Variants in WDR55 observed in about 807,000 individuals in gnomAD.
WDR55 encodes the protein WD repeat-containing protein 55.
A neutral mutation model predicts 34.0 loss-of-function variants in WDR55; 31 were observed. The observed-to-expected ratio is 0.91, with a 90% CI of 0.69 to 1.23. The LOEUF (loss-of-function observed/expected upper bound fraction) is 1.23. Among genes scored for constraint, WDR55 ranks in the 50% most tolerant of loss-of-function variants. WDR55 has a pLI of 0.00. For synonymous variants in WDR55, 164 were observed against 185.9 expected (o/e 0.88, Z 0.96); for missense variants, 440 against 494.6 (o/e 0.89, Z 1.05).
In WDR55 at chr5:140,665,009, G is replaced by T. The variant is rs1398842910; in HGVS notation, c.97G>T (p.Glu33Ter). The change falls in exon 1 of 7, where the codon GAA (glutamate) becomes TAA (stop). Residue 33 changes from glutamate (E) to a stop codon, truncating the protein, a stop_gained. Coordinates refer to ENST00000358337, the MANE Select transcript of WDR55 (RefSeq NM_017706.5). LOFTEE classifies it high-confidence loss of function. ...EAPTRIRDTP[E>*]DIVLEAPASG... ...CCCAACCCGGATCCGGGACACTCCG[G>T]AAGACATCGTGCTGGAAGCTCCGGC... is the stretch of plus-strand genomic sequence containing the variant. The T allele has an allele frequency of 8.7e-6, 14 of 1,614,060 alleles. No homozygotes were observed. Among genetic ancestry groups the T allele is most frequent in the Non-Finnish European group, 1.2e-5 (14 of 1,179,972 alleles).
chr5:140,668,839 T>C, intron 4 of WDR55, 48 bp downstream of exon 4: 1 of 1,613,504 alleles, frequency 6.2e-7, no homozygotes. Context: ...CTGTGTGAAA[T>C]GTCTTCCTCA....
chr5:140,668,320 C>T lies in WDR55; in HGVS notation c.278C>T (p.Ser93Phe), dbSNP rs901047389. The T allele has an allele frequency of 6.8e-6, 11 of 1,614,196 alleles. No individual in the cohort carries two copies. The highest frequency in any genetic ancestry group is 9.3e-6 in the Non-Finnish European group (11 of 1,180,034). The change falls in exon 2 of 7, where the codon TCT becomes TTT. Residue 93 changes from serine (S) to phenylalanine (F), a missense_variant. Transcript: ENST00000358337. ...AAGGCCTGCCGAGCTGTGGCCTTCT[C>T]TGAAGATGGGCAGAGTGAGTACTGG... ...HLKACRAVAF[S>F]EDGQKLITVS...
Position 140,669,579 on chromosome 5 carries a change from C to T in WDR55, c.1077C>T (p.Phe359=), listed in dbSNP as rs1179231304. The change falls in exon 7 of 7, where the codon TTC becomes TTT. Residue 359 remains phenylalanine, a synonymous_variant. Transcript: ENST00000358337. ...SSKTWSTDDF[F]AGLREEGEDS... ...AGACTTGGAGCACCGATGACTTCTT[C>T]GCAGGACTGAGGGAAGAGGGAGAAG... The T allele has an allele frequency of 7.4e-6, 12 of 1,614,052 alleles. No homozygotes were observed. The highest frequency in any genetic ancestry group is 9.3e-6 in the Non-Finnish European group (11 of 1,179,988).
In WDR55 at chr5:140,672,183, G is replaced by A; in HGVS notation, c.*2529G>A. The A allele has an allele frequency of 5.2e-6, 3 of 578,172 alleles. No homozygotes were observed. The South Asian group carries it at 6.3e-5, about 12-fold the overall frequency. The allele number at this position is 578,172 out of a possible 1,614,324, so 35.8% of individuals were successfully genotyped here. On this transcript the variant is annotated 3_prime_UTR_variant, in exon 7 of 7. Coordinates refer to ENST00000358337, the MANE Select transcript of WDR55 (RefSeq NM_017706.5). The stretch of plus-strand genomic sequence containing the variant: ...CTCTAACAGTTTCCTCATAGCTTGA[G>A]GGTCCTGTGCCTATTTTGCGGTGTG...
rs1194532632 is a variant in WDR55, at chr5:140,669,921, A to G, written c.*267A>G. 2 of 360,140 alleles carry G rather than the reference A, an allele frequency of 5.6e-6. No individual in the cohort carries two copies. Among genetic ancestry groups the G allele is most frequent in the Admixed American group, 4.4e-5 (1 of 22,806 alleles). The allele number at this position is 360,140 out of a possible 1,614,324, so 22.3% of individuals were successfully genotyped here. On this transcript the variant is annotated 3_prime_UTR_variant, in exon 7 of 7. Transcript: ENST00000358337. ...TTTTTGTTTTTTTTTTTTGGTAGAA[A>G]CGGGTCTGTTTTGCCCAGGCTGGTC...
rs1475122474 is a variant in WDR55, at chr5:140,664,916, G to A, written c.4G>A (p.Asp2Asn). MDRTCEERPAED... is the reference protein window; with the variant it reads MNRTCEERPAED... ...GCGGCTCGCAGTCCTTCTCAGCATG[G>A]ACCGCACTTGTGAGGAGAGGCCCGC... Residue 2 changes from aspartate to asparagine, a missense_variant, in exon 1 of 7, where the codon GAC becomes AAC. Transcript: ENST00000358337. 6.2e-7 allele frequency: 1 copy of A among 1,600,432 alleles called. No homozygotes were observed. Among genetic ancestry groups the A allele is most frequent in the Non-Finnish European group, 8.5e-7 (1 of 1,173,836 alleles).
Position 140,671,650 on chromosome 5 carries a change from G to A in WDR55, c.*1996G>A, listed in dbSNP as rs778524394. ...CCAACTGGCTGCCCTCTGGCTGTGG[G>A]GACCGCAAGAAGGGACCCACAAGCT... On this transcript the variant is annotated 3_prime_UTR_variant, in exon 7 of 7. Transcript: ENST00000358337. 1.3e-6 allele frequency: 2 copies of A among 1,580,486 alleles called. No individual in the cohort carries two copies. The highest frequency in any genetic ancestry group is 1.3e-5 in the African/African-American group (1 of 74,526).
At position 140,672,293 on chromosome 5, in the gene WDR55, T is replaced by G; in HGVS notation, c.*2639T>G. On this transcript the variant is annotated 3_prime_UTR_variant, in exon 7 of 7. Transcript: ENST00000358337. The stretch of plus-strand genomic sequence containing the variant: ...TAGGTAAGCGGTGGTGGTAGCACCA[T>G]TGGAAGTTTTAAAAATCTGAGATCA... The G allele has an allele frequency of 1.2e-6, 1 of 808,156 alleles. No individual in the cohort carries two copies. Among genetic ancestry groups the G allele is most frequent in the Non-Finnish European group, 1.9e-6 (1 of 514,598 alleles). The allele number at this position is 808,156 out of a possible 1,614,324, so 50.1% of individuals were successfully genotyped here. A position where few individuals can be genotyped will look rare whatever the true frequency, so the allele number is the denominator to read the frequency against.
intron 1 of WDR55, 145 bp downstream of exon 1, chr5:140,665,248 T>C: frequency 2.9e-6 from 2 of 692,224 alleles, no homozygotes; most frequent in South Asian, 4.1e-5. Context: ...TCGGCTCTTC[T>C]ATCACACCAA....
chr5:140,667,228 A>G, intron 1 of WDR55: 1 of 892,350 alleles, frequency 1.1e-6, no homozygotes, highest in Non-Finnish European at 1.3e-6. Context: ...TGTCTTAAAA[A>G]AGGTTCTGGA....
In WDR55 at chr5:140,669,576, C is replaced by A. The variant is rs3180057; in HGVS notation, c.1074C>A (p.Phe358Leu). 3 of 1,614,136 alleles carry A rather than the reference C, an allele frequency of 1.9e-6. No homozygotes were observed. The highest frequency in any genetic ancestry group is 3.3e-5 in the Admixed American group (2 of 60,012). ...LSSKTWSTDD[F>L]FAGLREEGED... is the part of the protein sequence containing the mutation. ...GCAAGACTTGGAGCACCGATGACTT[C>A]TTCGCAGGACTGAGGGAAGAGGGAG... The change falls in exon 7 of 7, where the codon TTC becomes TTA. Residue 358 changes from phenylalanine (F) to leucine (L), a missense_variant. Phe to Leu is a conservative substitution (Grantham distance 22). Transcript: ENST00000358337.
intron 1 of WDR55, chr5:140,667,331 C>T (rs1416800852): frequency 1.1e-5 from 2 of 179,670 alleles, no homozygotes; most frequent in Admixed American, 6.5e-5. Flanking sequence ...TTCTGCTTGG[C>T]TCATGTGGTC....
Position 140,670,531 on chromosome 5 carries a change from T to A in WDR55, c.*877T>A, listed in dbSNP as rs1288129404. The stretch of plus-strand genomic sequence containing the variant: ...GCCAGGCTAATTTTTGTATTTTCAG[T>A]AGAGACGGGGTTTCTCCATGCTGGC... On this transcript the variant is annotated 3_prime_UTR_variant, in exon 7 of 7. Coordinates refer to ENST00000358337, the MANE Select transcript of WDR55 (RefSeq NM_017706.5). 1 of 151,790 alleles carries A rather than the reference T, an allele frequency of 6.6e-6. No homozygotes were observed. The highest frequency in any genetic ancestry group is 1.5e-5 in the Non-Finnish European group (1 of 68,122). The allele number at this position is 151,790 out of a possible 1,614,324, so 9.4% of individuals were successfully genotyped here. A position where few individuals can be genotyped will look rare whatever the true frequency, so the allele number is the denominator to read the frequency against.
In WDR55 at chr5:140,671,238, G is replaced by A. The variant is rs1758065035; in HGVS notation, c.*1584G>A. Reference sequence around the variant, plus strand: ...TGGCCACCCAGGCCTGCTGGGATGGGGCCTGACACAGGCTCTGCATGCCCA... The same window carrying A: ...TGGCCACCCAGGCCTGCTGGGATGGAGCCTGACACAGGCTCTGCATGCCCA... On this transcript the variant is annotated 3_prime_UTR_variant, in exon 7 of 7. Transcript: ENST00000358337. 1 of 1,607,844 alleles carries A rather than the reference G, an allele frequency of 6.2e-7. No homozygotes were observed. The highest frequency in any genetic ancestry group is 8.5e-7 in the Non-Finnish European group (1 of 1,176,664).
At position 140,669,840 on chromosome 5, in the gene WDR55, C is replaced by T; in HGVS notation, c.*186C>T. ...TGTCCCCAGGCTCAGATTGTCCTTC[C>T]ACCTTAGCCTCTGGAGCAGCTGGGA... On this transcript the variant is annotated 3_prime_UTR_variant, in exon 7 of 7. Transcript: ENST00000358337. 1 of 634,158 alleles carries T rather than the reference C, an allele frequency of 1.6e-6. No individual in the cohort carries two copies. Among genetic ancestry groups the T allele is most frequent in the African/African-American group, 1.8e-5 (1 of 54,272 alleles). 39.3% of individuals were successfully genotyped at this position (634,158 alleles called of 1,614,324 possible).
chr5:140,667,001 A>G, intron 1 of WDR55: 1 of 985,410 alleles, frequency 1.0e-6, no homozygotes, highest in Non-Finnish European at 1.2e-6. Context: ...ATTAGCTGTA[A>G]TGGCCTTGAG....
Position 140,668,484 on chromosome 5 carries a change from G to A in WDR55, c.362G>A (p.Arg121His), listed in dbSNP as rs375815187. 6.7e-5 allele frequency: 108 copies of A among 1,614,178 alleles called. No individual in the cohort carries two copies. Among genetic ancestry groups the A allele is most frequent in the African/African-American group, 6.3e-4 (47 of 75,044 alleles). Residue 121 changes from arginine to histidine, a missense_variant, in exon 3 of 7, where the codon CGT becomes CAT. Physicochemically the swap from Arg to His is conservative, Grantham distance 29. Transcript: ENST00000358337. ...GTGGAGCAGGGCCAACTGGAAAGAC[G>A]TGTTTCCAAGGCTCATGGGTAAGGA... The part of the protein sequence containing the change: ...LDVEQGQLER[R>H]VSKAHGAPIN...
chr5:140,672,286 A>G lies in WDR55; in HGVS notation c.*2632A>G, dbSNP rs1370154351. 1.3e-6 allele frequency: 1 copy of G among 761,378 alleles called. No individual in the cohort carries two copies. The highest frequency in any genetic ancestry group is 1.7e-5 in the South Asian group (1 of 57,636). The allele number at this position is 761,378 out of a possible 1,614,324, so 47.2% of individuals were successfully genotyped here. A position where few individuals can be genotyped will look rare whatever the true frequency, so the allele number is the denominator to read the frequency against. The stretch of plus-strand genomic sequence containing the variant: ...ACAAATTTAGGTAAGCGGTGGTGGT[A>G]GCACCATTGGAAGTTTTAAAAATCT... On this transcript the variant is annotated 3_prime_UTR_variant, in exon 7 of 7. Coordinates refer to ENST00000358337, the MANE Select transcript of WDR55 (RefSeq NM_017706.5).
At position 140,671,379 on chromosome 5, in the gene WDR55, C is replaced by T. The variant is rs1268537067; in HGVS notation, c.*1725C>T. The T allele has an allele frequency of 6.2e-7, 1 of 1,612,760 alleles. No homozygotes were observed. The highest frequency in any genetic ancestry group is 1.7e-5 in the Admixed American group (1 of 60,024). Reference sequence around the variant, plus strand: ...TCACTGAGTGCCTGCAGCAGCCGTACAGACACAGCATCCTTGGCCACCTCA... The same window carrying T: ...TCACTGAGTGCCTGCAGCAGCCGTATAGACACAGCATCCTTGGCCACCTCA... On this transcript the variant is annotated 3_prime_UTR_variant, in exon 7 of 7. Coordinates refer to ENST00000358337, the MANE Select transcript of WDR55 (RefSeq NM_017706.5).
Sources: gnomAD v4.1 joint callset for allele counts on GRCh38, gnomAD v4.1.1 for gene constraint, MANE v1.5 for transcripts, NCBI Gene and HGNC (gene_info 2026-07-23, HGNC 2026-07-21) for gene names.